PRIM2: variants seen among roughly 807,000 people sequenced by gnomAD.
PRIM2 encodes DNA primase subunit 2.
In PRIM2, 39 loss-of-function variants were observed where a neutral mutation model predicts 67.3. That is an observed-to-expected ratio of 0.58 (90% CI 0.45 to 0.76). The LOEUF is 0.76. Ranked by LOEUF, PRIM2 falls within the 30% of genes least tolerant of loss-of-function variation. The pLI is 0.00. For synonymous variants in PRIM2, 143 were observed against 198.7 expected, an observed-to-expected ratio of 0.72 and a Z score of 2.36; for missense variants, 398 against 598.7, an observed-to-expected ratio of 0.66 and a Z score of 3.50.
At chr6:57,442,261 A>C (rs1483998098) in intron 7 of PRIM2, among the ~76,000 whole-genome samples, 1 of 152,142 alleles carries the variant, frequency 6.6e-6, no homozygotes, top group Non-Finnish European at 1.5e-5. Flanking sequence ...ACTGAGTGGG[A>C]TGAACTCTTA....
chr6:57,332,632 A>C (rs1051223593), intron 5 of PRIM2, among the ~76,000 whole-genome samples: 1 of 152,020 alleles, frequency 6.6e-6, no homozygotes, highest in Admixed American at 6.6e-5. Flanking sequence ...CTCTAGTAAC[A>C]TTTTTTTGTT....
chr6:57,339,200 G>A (rs1338732836), intron 5 of PRIM2, among the ~76,000 whole-genome samples: 2 of 152,034 alleles, frequency 1.3e-5, no homozygotes, highest in African/African-American at 2.4e-5. Flanking sequence ...TCAAGGAAAT[G>A]AAAGAGGATA....
intron 7 of PRIM2, chr6:57,382,379 T>A (rs1769994186): frequency 4.3e-6 from 2 of 466,334 alleles, no homozygotes; most frequent in Non-Finnish European, 7.4e-6. Context: ...TTTTTCTTGA[T>A]CCTACTAATA....
intron 12 of PRIM2, among the ~76,000 whole-genome samples, chr6:57,607,557 G>T (rs2127493270): frequency 6.6e-6 from 1 of 152,192 alleles, no homozygotes; most frequent in South Asian, 2.1e-4. Flanking sequence ...AAGACTATAG[G>T]AGTATTAAGA....
At chr6:57,631,415 T>C (rs1432884201) in intron 12 of PRIM2, among the ~76,000 whole-genome samples, 1 of 152,096 alleles carries the variant, frequency 6.6e-6, no homozygotes, top group African/African-American at 2.4e-5. Context: ...CATTGCAGTC[T>C]GCTGATAAGG....
chr6:57,536,315 T>G (rs1775002329), intron 9 of PRIM2, among the ~76,000 whole-genome samples: 1 of 152,230 alleles, frequency 6.6e-6, no homozygotes, highest in African/African-American at 2.4e-5. Flanking sequence ...AGTGAAAAAT[T>G]AAAGTAGGCA....
At chr6:57,615,661 C>A (rs1196916390) in intron 12 of PRIM2, among the ~76,000 whole-genome samples, 1 of 151,834 alleles carries the variant, frequency 6.6e-6, no homozygotes, top group South Asian at 2.1e-4. Flanking sequence ...TTTGGAAGGC[C>A]GAGGTGAGAG....
rs1290141652 is a variant in PRIM2, at chr6:57,646,104, C to T, written c.1476C>T (p.Ser492=). Residue 492 remains serine, a synonymous_variant, in exon 14 of 14, where the codon TCC becomes TCT. Coordinates refer to ENST00000615550, the MANE Select transcript of PRIM2 (RefSeq NM_000947.5). The part of the protein sequence containing the change: ...DASSALASLN[S]SLEMDMEGLE... ...CATCTGCTCTGGCCTCTTTAAATTCCTCTCTGGAAATGGATATGGAAGGAC... is the reference window on the plus strand; with the variant it reads ...CATCTGCTCTGGCCTCTTTAAATTCTTCTCTGGAAATGGATATGGAAGGAC... 1.2e-6 allele frequency: 2 copies of T among 1,601,508 alleles called. No individual in the cohort carries two copies. Among genetic ancestry groups the T allele is most frequent in the South Asian group, 1.1e-5 (1 of 90,790 alleles).
intron 7 of PRIM2, among the ~76,000 whole-genome samples, chr6:57,433,924 G>GTTTTTTTTTTTT (rs5876563): frequency 7.4e-6 from 1 of 136,000 alleles, no homozygotes; most frequent in Admixed American, 7.4e-5. Context: ...TCTGTTCCCT[G>GTTTTTTTTTTTT]TTTTTTTTTT....
At position 57,419,199 on chromosome 6, in the gene PRIM2, C is replaced by T. The variant is rs12212184; in HGVS notation, c.693+37031C>T. On this transcript the variant is annotated intron_variant, in intron 7 of 13. Transcript: ENST00000615550. ...TGACAGTGAGGATAGGAGGGAGGGA[C>T]GAGTGTGAGAGATGTGCCCTAGGAT... Among the ~76,000 whole-genome samples, 82 of 151,218 alleles carry T rather than the reference C, an allele frequency of 5.4e-4. 1 individual carries two copies. The highest frequency in any genetic ancestry group is 5.0e-3 in the Admixed American group (76 of 15,198).
chr6:57,276,166 G>A, the PRIM2 span, among the ~76,000 whole-genome samples: 2 of 152,230 alleles, frequency 1.3e-5, no homozygotes, highest in East Asian at 3.9e-4. Flanking sequence ...AAGGTGGGTG[G>A]ATCAGCTGAG....
At chr6:57,549,942 A>T (rs1775366478) in intron 10 of PRIM2, among the ~76,000 whole-genome samples, 1 of 152,140 alleles carries the variant, frequency 6.6e-6, no homozygotes, top group Non-Finnish European at 1.5e-5. Context: ...AAAATTAGCC[A>T]GGTATGCTGG....
intron 10 of PRIM2, among the ~76,000 whole-genome samples, chr6:57,569,760 T>G (rs1267604697): frequency 5.9e-5 from 9 of 152,098 alleles, no homozygotes; most frequent in Admixed American, 1.3e-4. Flanking sequence ...TTTTCTTTTT[T>G]TTTTTGAGAT....
rs1777335253 is a variant in PRIM2, at chr6:57,646,370, AT to A, written c.*219del. On this transcript the variant is annotated 3_prime_UTR_variant, in exon 14 of 14. Coordinates refer to ENST00000615550, the MANE Select transcript of PRIM2 (RefSeq NM_000947.5). The stretch of plus-strand genomic sequence containing the variant: ...CAGGTGTGCACCTCATATCCAGATA[AT>A]TTTTTTCAATTTTTTTTTGTAGAGG... 1 of 497,478 alleles carries A rather than the reference AT, an allele frequency of 2.0e-6. No individual in the cohort carries two copies. The highest frequency in any genetic ancestry group is 3.6e-5 in the Admixed American group (1 of 27,792). The allele number at this position is 497,478 out of a possible 1,614,324, so 30.8% of individuals were successfully genotyped here.
At chr6:57,573,821 TAG>T (rs1775910936) in intron 10 of PRIM2, among the ~76,000 whole-genome samples, 2 of 152,236 alleles carry the variant, frequency 1.3e-5, no homozygotes, top group African/African-American at 4.8e-5. Context: ...CACACATATA[TAG>T]AGTTTCCGCG....
chr6:57,513,385 T>C (rs1322761160), intron 8 of PRIM2, among the ~76,000 whole-genome samples: 2 of 147,264 alleles, frequency 1.4e-5, no homozygotes, highest in Non-Finnish European at 3.0e-5. Context: ...TTTATTTTTA[T>C]TTATTATCTC....
chr6:57,435,593 A>G (rs543818139), intron 7 of PRIM2, among the ~76,000 whole-genome samples: 2 of 152,354 alleles, frequency 1.3e-5, no homozygotes, highest in East Asian at 3.9e-4. Context: ...TGTTGAAGGG[A>G]CTGAAGAATT....
intron 7 of PRIM2, among the ~76,000 whole-genome samples, chr6:57,445,903 G>C (rs1423348042): frequency 6.6e-6 from 1 of 152,134 alleles, no homozygotes; most frequent in Non-Finnish European, 1.5e-5. Context: ...TTGTCCACTA[G>C]AAGGAAGAAC....
chr6:57,396,844 C>G lies in PRIM2; in HGVS notation c.693+14676C>G, dbSNP rs7383014. On this transcript the variant is annotated intron_variant, in intron 7 of 13. Transcript: ENST00000615550. ...AGATTTAGAGCTCCTTTTAGCAGTT[C>G]TTGTAGTGGTGGCTTGGTAATGGTG... 3.3e-5 allele frequency among the ~76,000 whole-genome samples: 5 copies of G among 152,006 alleles called. No homozygotes were observed. In the East Asian group the frequency reaches 5.8e-4, roughly 18 times the overall value.
Sources: gnomAD v4.1 joint callset for allele counts (sites outside exome capture counted in the v4.1 genomes callset) on GRCh38, gnomAD v4.1.1 for gene constraint, MANE v1.5 for transcripts, NCBI Gene and HGNC (gene_info 2026-07-23, HGNC 2026-07-21) for gene names.